The following PSMG2 variants were observed in gnomAD, a reference collection of about 807,000 sequenced individuals.
The protein encoded by PSMG2 is proteasome assembly chaperone 2.
Under a neutral mutation model 31.5 loss-of-function variants are expected in PSMG2, and 21 were observed. The observed-to-expected ratio is 0.67, with a 90% confidence interval of 0.47 to 0.96. The LOEUF (loss-of-function observed/expected upper bound fraction) is 0.96. Ranked by LOEUF, PSMG2 falls within the 40% of genes least tolerant of loss-of-function variation. PSMG2 has a pLI of 0.00. For synonymous variants in PSMG2, 120 were observed against 110.4 expected (o/e 1.09, Z -0.54); for missense variants, 318 against 321.2 (o/e 0.99, Z 0.08).
chr18:12,710,992 CAGG>C (rs1359846699), intron 2 of PSMG2, among the ~76,000 whole-genome samples: 2 of 152,082 alleles, frequency 1.3e-5, no homozygotes, highest in Admixed American at 6.6e-5. Flanking sequence ...CCCAGCTACT[CAGG>C]AGGCTGAGAC....
At chr18:12,717,462 G>A (rs932775415) in intron 3 of PSMG2, among the ~76,000 whole-genome samples, 2 of 152,112 alleles carry the variant, frequency 1.3e-5, no homozygotes, top group Non-Finnish European at 2.9e-5. Context: ...TTGATCTCTC[G>A]CTATGCGCGT....
At chr18:12,722,799 C>G (rs1228375149) in intron 5 of PSMG2, among the ~76,000 whole-genome samples, 1 of 152,250 alleles carries the variant, frequency 6.6e-6, no homozygotes, top group African/African-American at 2.4e-5. Context: ...TTATCCCACA[C>G]TGTGTGACAA....
chr18:12,708,700 CTTTTTTTTTTTT>C (rs71371298), intron 2 of PSMG2, among the ~76,000 whole-genome samples: 2 of 88,728 alleles, frequency 2.3e-5, no homozygotes, highest in Non-Finnish European at 4.5e-5. Context: ...TTACAACGTT[CTTTTTTTTTTTT>C]TTTTTTTTTT....
chr18:12,703,226 G>T, intron 1 of PSMG2, 62 bp downstream of exon 1: 1 of 1,517,118 alleles, frequency 6.6e-7, no homozygotes, highest in Non-Finnish European at 8.9e-7. Flanking sequence ...TCGCCACCCC[G>T]ACGCGGGGTG....
In PSMG2 at chr18:12,704,820, C is replaced by T. The variant is rs535087942; in HGVS notation, c.57+1656C>T. On this transcript the variant is annotated intron_variant, in intron 1 of 6. Transcript: ENST00000317615. Reference sequence around the variant, plus strand: ...GTACAGAAGAGTTTAACCCAAGTAGCAAAATCGTTGAGAAGGGAATTGCAG... The same window carrying T: ...GTACAGAAGAGTTTAACCCAAGTAGTAAAATCGTTGAGAAGGGAATTGCAG... Among the ~76,000 whole-genome samples the T allele has an allele frequency of 2.6e-5, 4 of 152,128 alleles. No homozygotes were observed. In the South Asian group the frequency reaches 8.3e-4, roughly 32 times the overall value.
At chr18:12,696,434 CG>C (rs2039960616) in intron 1 of PSMG2, among the ~76,000 whole-genome samples, 1 of 151,952 alleles carries the variant, frequency 6.6e-6, no homozygotes, top group Non-Finnish European at 1.5e-5. Flanking sequence ...ACCCAGGAGG[CG>C]GGGGTTGCAG....
intron 1 of PSMG2, among the ~76,000 whole-genome samples, chr18:12,705,098 T>C (rs979352429): frequency 6.6e-6 from 1 of 152,076 alleles, no homozygotes; most frequent in African/African-American, 2.4e-5. Flanking sequence ...AGTTTTGCTC[T>C]TTTTTGCCCA....
chr18:12,681,432 A>G (rs1002862729), intron 1 of PSMG2, among the ~76,000 whole-genome samples: 2 of 151,418 alleles, frequency 1.3e-5, no homozygotes, highest in Non-Finnish European at 2.9e-5. Context: ...TTTTTTTTGT[A>G]TAAACAGGGG....
intron 3 of PSMG2, among the ~76,000 whole-genome samples, chr18:12,716,721 T>TTTATTGAGCATTGA (rs2040380331): frequency 6.6e-6 from 1 of 151,832 alleles, no homozygotes; most frequent in Non-Finnish European, 1.5e-5. Context: ...ATAGCAAACA[T>TTTATTGAGCATTGA]TTATTGAGCA....
At chr18:12,685,976 A>G (rs1311095843) in intron 1 of PSMG2, 7 of 245,318 alleles carry the variant, frequency 2.9e-5, no homozygotes, top group Non-Finnish European at 5.6e-5. Context: ...ATCCTCCTAT[A>G]TACTTTAAAT....
chr18:12,671,830 A>AT (rs902418208), intron 1 of PSMG2, among the ~76,000 whole-genome samples: 4 of 151,170 alleles, frequency 2.6e-5, no homozygotes, highest in African/African-American at 4.9e-5. Context: ...TATAAAAAAC[A>AT]TTTTTTTTGA....
At chr18:12,669,584 G>T (rs1481023557) in intron 1 of PSMG2, among the ~76,000 whole-genome samples, 1 of 152,050 alleles carries the variant, frequency 6.6e-6, no homozygotes, top group Non-Finnish European at 1.5e-5. Context: ...ATATAGAGGG[G>T]ACTGTTGGCA....
intron 1 of PSMG2, among the ~76,000 whole-genome samples, chr18:12,704,482 G>A (rs1188260896): frequency 1.3e-5 from 2 of 152,008 alleles, no homozygotes; most frequent in Non-Finnish European, 2.9e-5. Flanking sequence ...TCAGCTACTC[G>A]GGAAGCTGAG....
At chr18:12,665,788 C>G (rs1598604177) in intron 1 of PSMG2, among the ~76,000 whole-genome samples, 1 of 152,270 alleles carries the variant, frequency 6.6e-6, no homozygotes, top group East Asian at 1.9e-4. Context: ...ACCTCTGCCT[C>G]CCAGGCTCAT....
intron 3 of PSMG2, among the ~76,000 whole-genome samples, chr18:12,714,606 A>G (rs1264456901): frequency 6.8e-6 from 1 of 147,916 alleles, no homozygotes; most frequent in Non-Finnish European, 1.5e-5. Flanking sequence ...CCATTCTCCA[A>G]CCTCACCCTC....
In PSMG2 at chr18:12,720,567, A is replaced by G. The variant is rs773135054; in HGVS notation, c.465A>G (p.Ile155Met). The stretch of plus-strand genomic sequence containing the variant: ...TGCAAAAAAGTGTTCAAAATAAAAT[A>G]AAGAGCCTTAACTGGGAAGAAATGG... ...PSMQKSVQNKIKSLNWEEMEK... is the reference protein window; with the variant it reads ...PSMQKSVQNKMKSLNWEEMEK... The change falls in exon 5 of 7, where the codon ATA becomes ATG. Residue 155 changes from isoleucine (I) to methionine (M), a missense_variant. Physicochemically the swap from Ile to Met is conservative, Grantham distance 10 (BLOSUM62 1). Coordinates refer to ENST00000317615, the MANE Select transcript of PSMG2 (RefSeq NM_020232.5). 6.2e-7 allele frequency: 1 copy of G among 1,613,202 alleles called. No individual in the cohort carries two copies. Among genetic ancestry groups the G allele is most frequent in the Non-Finnish European group, 8.5e-7 (1 of 1,179,618 alleles).
At chr18:12,671,948 G>A (rs1412890809) in intron 1 of PSMG2, among the ~76,000 whole-genome samples, 1 of 151,930 alleles carries the variant, frequency 6.6e-6, no homozygotes, top group Non-Finnish European at 1.5e-5. Flanking sequence ...AGTCTCCTGA[G>A]TAGCTAGACT....
At chr18:12,676,459 G>GAGAT (rs78736074) in intron 1 of PSMG2, among the ~76,000 whole-genome samples, 24,179 of 151,338 alleles carry the variant, frequency 0.16, 1,988 homozygotes, top group Admixed American at 0.24. Context: ...ACTTTTTGTA[G>GAGAT]AGATAGGGTC....
At chr18:12,680,793 G>T (rs1022506656) in intron 1 of PSMG2, 2 of 1,613,334 alleles carry the variant, frequency 1.2e-6, no homozygotes, top group Non-Finnish European at 1.7e-6. Flanking sequence ...CAAGAAGAAG[G>T]CTGCACAGAA....
Sources: gnomAD v4.1 joint callset for allele counts (sites outside exome capture counted in the v4.1 genomes callset) on GRCh38, gnomAD v4.1.1 for gene constraint, MANE v1.5 for transcripts, NCBI Gene and HGNC (gene_info 2026-07-23, HGNC 2026-07-21) for gene names.